The following VOPP1 variants were observed in gnomAD, a reference collection of about 807,000 sequenced individuals.
The protein encoded by VOPP1 is VOPP1 WW domain binding protein.
A neutral mutation model predicts 23.5 loss-of-function variants in VOPP1; 8 were observed. The observed-to-expected ratio is 0.34, with a 90% CI of 0.20 to 0.61. VOPP1 has a LOEUF of 0.61. VOPP1 is among the 20% of genes least tolerant of loss of function. The pLI, the probability that VOPP1 is intolerant of heterozygous loss-of-function variation, is 0.78. For missense variants in VOPP1, 174 were observed against 238.1 expected (o/e 0.73, Z 1.77); for synonymous variants, 83 against 97.3 (o/e 0.85, Z 0.86).
At chr7:55,444,705 C>T (rs1400632114) in intron 4 of VOPP1, among the ~76,000 whole-genome samples, 3 of 120,252 alleles carry the variant, frequency 2.5e-5, no homozygotes, top group Admixed American at 1.0e-4. Flanking sequence ...CTGCCAGCTT[C>T]GTAGAAACTC....
intron 2 of VOPP1, among the ~76,000 whole-genome samples, chr7:55,513,845 T>C (rs555109010): frequency 2.4e-4 from 37 of 152,364 alleles, no homozygotes; most frequent in African/African-American, 8.7e-4. Context: ...CAACCATTTC[T>C]AACCCACCCT....
chr7:55,517,294 T>C (rs1795521394), intron 2 of VOPP1, among the ~76,000 whole-genome samples: 1 of 151,708 alleles, frequency 6.6e-6, no homozygotes, highest in Non-Finnish European at 1.5e-5. Context: ...GCTTCAGAAA[T>C]GACTAGTCAC....
chr7:55,525,738 T>C lies in VOPP1; in HGVS notation c.55-4608A>G, dbSNP rs77436686. Among the ~76,000 whole-genome samples, 519 of 138,718 alleles carry C rather than the reference T, an allele frequency of 3.7e-3. 4 individuals carry two copies. The highest frequency in any genetic ancestry group is 0.013 in the African/African-American group (475 of 37,514). 91.0% of individuals were successfully genotyped at this position (138,718 alleles called of 152,430 possible). A position where few individuals can be genotyped will look rare whatever the true frequency, so the allele number is the denominator to read the frequency against. On this transcript the variant is annotated intron_variant, in intron 1 of 4. Transcript: ENST00000285279. ...AGGTTCTAAATATGTAATCCTTACA[T>C]GTGTACGGTATTTAGTTTTCCAAAA...
rs150498540 is a variant in VOPP1 at position 55,473,229 on chromosome 7, C to T, written c.329-184G>A. ...TGACAAGCAACACAATAGGCAGGTC[C>T]CTGCCCTCTCGGGGCTTTGATTCTA... On this transcript the variant is annotated intron_variant, in intron 4 of 4. Coordinates refer to ENST00000285279, the MANE Select transcript of VOPP1 (RefSeq NM_030796.5). Among the ~76,000 whole-genome samples the T allele has an allele frequency of 1.6e-3, 241 of 152,298 alleles. 1 individual carries two copies. Among genetic ancestry groups the T allele is most frequent in the Non-Finnish European group, 2.5e-3 (172 of 68,030 alleles).
At position 55,532,374 on chromosome 7, in the gene VOPP1, A is replaced by G. The variant is rs553412605; in HGVS notation, c.55-11244T>C. ...ATTTCTGTCTTGCCTTGAGGTTTAC[A>G]TGAAACAGTGTATGCGAACCACCTG... On this transcript the variant is annotated intron_variant, in intron 1 of 4. Transcript: ENST00000285279. 2.6e-5 allele frequency among the ~76,000 whole-genome samples: 4 copies of G among 152,362 alleles called. No homozygotes were observed. The East Asian group carries it at 7.7e-4, about 29-fold the overall frequency.
intron 1 of VOPP1, chr7:55,552,548 T>C: frequency 6.6e-7 from 1 of 1,522,148 alleles, no homozygotes; most frequent in South Asian, 1.2e-5. Flanking sequence ...AAGCATGATT[T>C]TCCCAGGGTG....
At chr7:55,459,605 G>C (rs899241898) in intron 4 of VOPP1, among the ~76,000 whole-genome samples, 1 of 152,070 alleles carries the variant, frequency 6.6e-6, no homozygotes, top group African/African-American at 2.4e-5. Context: ...TTGGAAGGTT[G>C]TATGTGTCCA....
chr7:55,523,325 A>G (rs980086138), intron 1 of VOPP1, among the ~76,000 whole-genome samples: 15 of 152,246 alleles, frequency 9.9e-5, no homozygotes, highest in African/African-American at 3.6e-4. Flanking sequence ...CAGTTTGCAC[A>G]CATCAAAACA....
downstream of VOPP1, among the ~76,000 whole-genome samples, chr7:55,435,335 C>T (rs1314631624): frequency 6.6e-6 from 1 of 152,224 alleles, no homozygotes; most frequent in Admixed American, 6.5e-5. Context: ...GCCAGCCGGG[C>T]TTCAAAGCAT....
chr7:55,512,651 C>T (rs985397632), intron 2 of VOPP1, among the ~76,000 whole-genome samples: 8 of 152,222 alleles, frequency 5.3e-5, no homozygotes, highest in African/African-American at 7.2e-5. Context: ...CATCTCCTGA[C>T]GGCAAAATAG....
At chr7:55,539,359 A>G (rs1025824130) in intron 1 of VOPP1, 7 of 152,188 alleles carry the variant, frequency 4.6e-5, no homozygotes, top group African/African-American at 1.7e-4. Context: ...AACAATAACA[A>G]AAAAAGTACG....
intron 4 of VOPP1, among the ~76,000 whole-genome samples, chr7:55,443,073 C>T (rs368523798): frequency 2.6e-5 from 4 of 151,240 alleles, no homozygotes; most frequent in South Asian, 4.2e-4. Flanking sequence ...GAACCTAGAT[C>T]GTGCCACTGA....
chr7:55,566,282 T>C (rs1214620826), intron 1 of VOPP1, among the ~76,000 whole-genome samples: 2 of 152,092 alleles, frequency 1.3e-5, no homozygotes, highest in Non-Finnish European at 2.9e-5. Context: ...CTGTCTTATG[T>C]GCATTATAGA....
downstream of VOPP1, among the ~76,000 whole-genome samples, chr7:55,467,137 G>A (rs1156247431): frequency 6.6e-6 from 1 of 152,332 alleles, no homozygotes; most frequent in East Asian, 1.9e-4. Context: ...GAGCTCAGGT[G>A]GTAACGCTTG....
intron 1 of VOPP1, chr7:55,521,695 G>T: frequency 1.0e-6 from 1 of 987,130 alleles, no homozygotes; most frequent in Non-Finnish European, 1.2e-6. Flanking sequence ...GGTAAGTCCA[G>T]CTCCTAACAT....
chr7:55,479,464 C>G lies in VOPP1; in HGVS notation c.329-6419G>C, dbSNP rs147922495. ...AGTTTGGTTTGGTTTGAGGTTGTAT[C>G]TGTTCATTTTGCTAAACTGTCTCAA... On this transcript the variant is annotated intron_variant, in intron 4 of 4. Transcript: ENST00000285279. 6.1e-3 allele frequency among the ~76,000 whole-genome samples: 923 copies of G among 152,202 alleles called. 31 individuals carry two copies. The highest frequency in any genetic ancestry group is 0.056 in the Admixed American group (858 of 15,296).
intron 1 of VOPP1, among the ~76,000 whole-genome samples, chr7:55,565,248 G>A (rs73141727): frequency 0.074 from 11,299 of 152,176 alleles, 695 homozygotes; most frequent in East Asian, 0.3. Context: ...TCACCTTCGC[G>A]TTTAGACACC....
chr7:55,562,192 T>C, intron 1 of VOPP1: 1 of 665,844 alleles, frequency 1.5e-6, no homozygotes, highest in South Asian at 1.6e-5. Context: ...CGCTCCTCCA[T>C]ACTGCTAAAG....
chr7:55,554,370 C>T (rs1797730354), intron 1 of VOPP1, among the ~76,000 whole-genome samples: 1 of 152,084 alleles, frequency 6.6e-6, no homozygotes, highest in Non-Finnish European at 1.5e-5. Flanking sequence ...GGAATTTTTC[C>T]CATAGGCCAA....
Sources: allele counts gnomAD v4.1 joint callset (sites outside exome capture counted in the v4.1 genomes callset), GRCh38; gene constraint gnomAD v4.1.1; transcripts MANE v1.5; gene names NCBI Gene and HGNC (gene_info 2026-07-23, HGNC 2026-07-21).